The following PAK1 variants were observed in gnomAD, a reference collection of about 807,000 sequenced individuals.
PAK1 encodes the protein serine/threonine-protein kinase PAK 1.
PAK1 carries 29 observed loss-of-function variants against 67.4 expected under a neutral mutation model. That is an observed-to-expected ratio of 0.43 (90% CI 0.32 to 0.59). The LOEUF (loss-of-function observed/expected upper bound fraction) is 0.59, where lower values mean the gene tolerates loss of function less well. PAK1 is among the 20% of genes least tolerant of loss of function. The pLI is 0.07. For synonymous variants in PAK1, 223 were observed against 237.4 expected (o/e 0.94, Z 0.56); for missense variants, 337 against 670.7 (o/e 0.50, Z 5.50).
At chr11:77,432,029 G>A (rs1955886197) in intron 1 of PAK1, among the ~76,000 whole-genome samples, 1 of 152,042 alleles carries the variant, frequency 6.6e-6, no homozygotes, top group Admixed American at 6.5e-5. Flanking sequence ...CAATTAACGT[G>A]AATAACCCCA....
chr11:77,335,658 C>T (rs990040449), intron 13 of PAK1, among the ~76,000 whole-genome samples: 12 of 152,152 alleles, frequency 7.9e-5, no homozygotes, highest in African/African-American at 2.7e-4. Context: ...AAACATAAAT[C>T]AGATCACATT....
In PAK1 at chr11:77,463,886, T is replaced by C. The variant is rs765444897; in HGVS notation, c.-22+9666A>G. On this transcript the variant is annotated intron_variant, in intron 1 of 14. Transcript: ENST00000356341. ...TTGAGGTAAACCAGCATTATCCAAC[T>C]GAAAGATACGGTTAGCCTTAAAGAA... Among the ~76,000 whole-genome samples, 423 of 152,306 alleles carry C rather than the reference T, an allele frequency of 2.8e-3. 8 individuals carry two copies. The highest frequency in any genetic ancestry group is 5.1e-4 in the Non-Finnish European group (35 of 68,018).
chr11:77,489,711 G>A, the PAK1 span, among the ~76,000 whole-genome samples: 2 of 151,188 alleles, frequency 1.3e-5, no homozygotes, highest in African/African-American at 2.5e-5. Context: ...TCGGCCTCCC[G>A]AGGTGCCGGG....
intron 1 of PAK1, among the ~76,000 whole-genome samples, chr11:77,471,928 T>C (rs1043724394): frequency 6.6e-5 from 10 of 152,196 alleles, no homozygotes; most frequent in Non-Finnish European, 1.2e-4. Context: ...AGGACTCACT[T>C]TGGCCAAGAG....
intron 1 of PAK1, among the ~76,000 whole-genome samples, chr11:77,429,796 T>C (rs1015429984): frequency 1.3e-5 from 2 of 152,322 alleles, no homozygotes; most frequent in Admixed American, 6.5e-5. Flanking sequence ...AAAGCTTGAA[T>C]GGGTATGAGG....
chr11:77,470,281 G>A (rs1470478447), intron 1 of PAK1, among the ~76,000 whole-genome samples: 1 of 152,104 alleles, frequency 6.6e-6, no homozygotes, highest in Non-Finnish European at 1.5e-5. Flanking sequence ...ATGCTTGTTT[G>A]ACAAATTATT....
rs1339189715 is a variant in PAK1, at chr11:77,443,108, A to G, written c.-22+30444T>C. 2.0e-5 allele frequency among the ~76,000 whole-genome samples: 3 copies of G among 152,102 alleles called. No homozygotes were observed. In the East Asian group the frequency reaches 5.8e-4, roughly 29 times the overall value. ...GGGAGGCCGAGGTGGGTGGATCACG[A>G]GGTCAGGAGATCAAGACCATCATGG... On this transcript the variant is annotated intron_variant, in intron 1 of 14. Coordinates refer to ENST00000356341, the MANE Select transcript of PAK1 (RefSeq NM_002576.5).
At chr11:77,341,300 A>T (rs2136245719) in intron 10 of PAK1, among the ~76,000 whole-genome samples, 1 of 152,350 alleles carries the variant, frequency 6.6e-6, no homozygotes, top group African/African-American at 2.4e-5. Flanking sequence ...TCACTGAAAA[A>T]ATAAAAGATA....
chr11:77,358,496 G>A (rs1191185134), intron 6 of PAK1, among the ~76,000 whole-genome samples: 1 of 152,076 alleles, frequency 6.6e-6, no homozygotes, highest in Non-Finnish European at 1.5e-5. Context: ...AATGCTCTAA[G>A]AGGCTGAACA....
chr11:77,418,378 C>G (rs1214653341), intron 1 of PAK1, among the ~76,000 whole-genome samples: 1 of 152,212 alleles, frequency 6.6e-6, no homozygotes, highest in African/African-American at 2.4e-5. Context: ...ACATGATACT[C>G]TAAGTGCAGT....
chr11:77,349,822 G>C (rs1944986096), intron 8 of PAK1, among the ~76,000 whole-genome samples: 1 of 151,966 alleles, frequency 6.6e-6, no homozygotes, highest in East Asian at 1.9e-4. Context: ...GACAGGTGGG[G>C]AGAAAGGGGC....
At chr11:77,526,426 A>T in the PAK1 span, among the ~76,000 whole-genome samples, 2 of 152,238 alleles carry the variant, frequency 1.3e-5, no homozygotes, top group South Asian at 4.1e-4. Flanking sequence ...GCTCACAGAA[A>T]TACACCAGGG....
chr11:77,444,311 C>T (rs898112889), intron 1 of PAK1, among the ~76,000 whole-genome samples: 3 of 148,140 alleles, frequency 2.0e-5, no homozygotes, highest in Admixed American at 1.3e-4. Flanking sequence ...AAAAACCCGA[C>T]GCCTGGGTCC....
chr11:77,366,705 A>G (rs925521397), intron 5 of PAK1, among the ~76,000 whole-genome samples: 1 of 152,232 alleles, frequency 6.6e-6, no homozygotes, highest in Non-Finnish European at 1.5e-5. Flanking sequence ...CAACAGGGAC[A>G]GGCAAAGATA....
At chr11:77,369,046 C>A (rs1268104228) in intron 5 of PAK1, among the ~76,000 whole-genome samples, 1 of 152,122 alleles carries the variant, frequency 6.6e-6, no homozygotes, top group Non-Finnish European at 1.5e-5. Context: ...GTACAAAATT[C>A]TTGGTTCTAA....
the PAK1 span, among the ~76,000 whole-genome samples, chr11:77,495,528 C>A: frequency 2.0e-5 from 3 of 152,090 alleles, no homozygotes; most frequent in Non-Finnish European, 4.4e-5. Flanking sequence ...TCCAGCCAGT[C>A]CACTTCTGGA....
chr11:77,479,148 C>T (rs896548299), upstream of PAK1, among the ~76,000 whole-genome samples: 1 of 151,630 alleles, frequency 6.6e-6, no homozygotes, highest in Non-Finnish European at 1.5e-5. Context: ...TGCCACTGTT[C>T]CCAAACTCAG....
At chr11:77,352,000 G>A (rs541955001) in intron 8 of PAK1, among the ~76,000 whole-genome samples, 287 of 152,068 alleles carry the variant, frequency 1.9e-3, no homozygotes, top group Non-Finnish European at 3.5e-3. Context: ...ATTCCCTCAT[G>A]ACTATTCCTA....
rs1349619138 is a variant in PAK1 at position 77,374,356 on chromosome 11, G to A, written c.449C>T (p.Ala150Val). ...QKYMSFTDKSAEDYNSSNALN... is the reference protein window; with the variant it reads ...QKYMSFTDKSVEDYNSSNALN... ...GGCATTAGAAGAATTGTAATCCTCA[G>A]CTGACTTATCTGCACAGGAAGAAAA... The change falls in exon 5 of 15, where the codon GCT (alanine) becomes GTT (valine). Residue 150 changes from alanine to valine, a missense_variant. Physicochemically the swap from Ala to Val is moderately conservative, Grantham distance 64. Transcript: ENST00000356341. The A allele has an allele frequency of 6.3e-7, 1 of 1,596,720 alleles. No homozygotes were observed. The highest frequency in any genetic ancestry group is 8.6e-7 in the Non-Finnish European group (1 of 1,164,410).
Sources: gnomAD v4.1 joint callset for allele counts (sites outside exome capture counted in the v4.1 genomes callset) on GRCh38, gnomAD v4.1.1 for gene constraint, MANE v1.5 for transcripts, NCBI Gene and HGNC (gene_info 2026-07-23, HGNC 2026-07-21) for gene names.